PPM1E: variants seen among roughly 807,000 people sequenced by gnomAD.
PPM1E encodes protein phosphatase, Mg2+/Mn2+ dependent 1E.
A neutral mutation model predicts 65.9 loss-of-function variants in PPM1E; 20 were observed. The ratio of observed to expected loss-of-function variants is 0.30; its 90% CI spans 0.21 to 0.44. The LOEUF (loss-of-function observed/expected upper bound fraction) is 0.44, where lower values mean the gene tolerates loss of function less well. Ranked by LOEUF, PPM1E falls within the 20% of genes least tolerant of loss-of-function variation. PPM1E has a pLI of 1.00. For synonymous variants in PPM1E, 352 were observed against 374.9 expected (o/e 0.94, Z 0.70); for missense variants, 713 against 953.1 (o/e 0.75, Z 3.32).
At chr17:58,973,278 G>A (rs1039889711) in intron 6 of PPM1E, among the ~76,000 whole-genome samples, 3 of 151,860 alleles carry the variant, frequency 2.0e-5, no homozygotes, top group South Asian at 2.1e-4. Flanking sequence ...TTAGCCAGGC[G>A]TGGTGGCGGG....
chr17:58,756,501 C>T, intron 1 of PPM1E, 40 bp downstream of exon 1: 1 of 1,263,552 alleles, frequency 7.9e-7, no homozygotes, highest in Non-Finnish European at 1.0e-6. Context: ...GCCCGCGGTC[C>T]CCACCGCGCC....
At chr17:58,876,201 C>G (rs1038062196) in intron 1 of PPM1E, among the ~76,000 whole-genome samples, 5 of 152,064 alleles carry the variant, frequency 3.3e-5, no homozygotes, top group Non-Finnish European at 7.4e-5. Flanking sequence ...AATTTCATCT[C>G]CAAGGATAAA....
intron 1 of PPM1E, among the ~76,000 whole-genome samples, chr17:58,867,188 T>A (rs567744782): frequency 5.9e-5 from 9 of 152,098 alleles, no homozygotes; most frequent in Non-Finnish European, 1.3e-4. Context: ...ACCATGTTGG[T>A]CAGGCGGTCT....
chr17:58,826,833 G>A (rs1167721185), intron 1 of PPM1E, among the ~76,000 whole-genome samples: 1 of 151,900 alleles, frequency 6.6e-6, no homozygotes, highest in Admixed American at 6.6e-5. Context: ...GTTTCACTGT[G>A]TTAGCCAGGA....
chr17:58,927,787 G>A (rs1465857568), intron 1 of PPM1E, among the ~76,000 whole-genome samples: 2 of 151,946 alleles, frequency 1.3e-5, no homozygotes, highest in African/African-American at 2.4e-5. Flanking sequence ...GGCCGGGCCC[G>A]GTGGCTCATG....
At chr17:58,886,823 A>G (rs1024265891) in intron 1 of PPM1E, among the ~76,000 whole-genome samples, 1 of 152,224 alleles carries the variant, frequency 6.6e-6, no homozygotes, top group African/African-American at 2.4e-5. Flanking sequence ...GAAAGAGCAT[A>G]TCTATGGAGA....
chr17:58,845,768 C>T (rs1293040227), intron 1 of PPM1E, among the ~76,000 whole-genome samples: 2 of 152,146 alleles, frequency 1.3e-5, no homozygotes, highest in Non-Finnish European at 2.9e-5. Flanking sequence ...GCAACCTCCT[C>T]CTCCCACGTT....
chr17:58,982,564 A>C lies in PPM1E; in HGVS notation c.*1533A>C, dbSNP rs571424945. The C allele has an allele frequency of 4.1e-6, 1 of 241,472 alleles. No homozygotes were observed. The highest frequency in any genetic ancestry group is 5.1e-5 in the Admixed American group (1 of 19,652). The allele number at this position is 241,472 out of a possible 1,614,324, so 15.0% of individuals were successfully genotyped here. A position where few individuals can be genotyped will look rare whatever the true frequency, so the allele number is the denominator to read the frequency against. ...CATAACAGAGGACTAAAATCTCTGA[A>C]TTTTAAAGACACAGATGACTGGCAT... On this transcript the variant is annotated 3_prime_UTR_variant, in exon 7 of 7. Coordinates refer to ENST00000308249, the MANE Select transcript of PPM1E (RefSeq NM_014906.5).
At chr17:58,757,115 A>G (rs540700558) in intron 1 of PPM1E, among the ~76,000 whole-genome samples, 5 of 152,326 alleles carry the variant, frequency 3.3e-5, no homozygotes, top group African/African-American at 9.6e-5. Context: ...TAGTTTAGAC[A>G]TTTGACATTC....
At chr17:58,960,096 A>G (rs1196060082) in intron 2 of PPM1E, among the ~76,000 whole-genome samples, 1 of 152,188 alleles carries the variant, frequency 6.6e-6, no homozygotes, top group Admixed American at 6.5e-5. Context: ...AGGATAAGGG[A>G]TACACAGGTA....
chr17:58,913,979 A>G (rs1007504433), intron 1 of PPM1E, among the ~76,000 whole-genome samples: 2 of 152,170 alleles, frequency 1.3e-5, no homozygotes, highest in African/African-American at 4.8e-5. Flanking sequence ...GAGTGTTATC[A>G]TCTTTGTTTT....
intron 1 of PPM1E, among the ~76,000 whole-genome samples, chr17:58,780,246 C>T (rs748371430): frequency 5.3e-4 from 81 of 152,208 alleles, no homozygotes; most frequent in Admixed American, 2.0e-4. Context: ...CCATGGCTCA[C>T]GCCTGTAATC....
chr17:58,965,886 A>G lies in PPM1E; in HGVS notation c.776A>G (p.Asn259Ser), dbSNP rs1406892156. 6.2e-6 allele frequency: 10 copies of G among 1,614,102 alleles called. No individual in the cohort carries two copies. Among genetic ancestry groups the G allele is most frequent in the Non-Finnish European group, 7.6e-6 (9 of 1,179,938 alleles). Residue 259 changes from asparagine to serine, a missense_variant, in exon 3 of 7, where the codon AAC becomes AGC. Asn to Ser is a conservative substitution (Grantham distance 46). This residue lies in a region of PPM1E where 25 missense variants were observed against 73.9 expected (regional missense o/e 0.34). Transcript: ENST00000308249. The stretch of plus-strand genomic sequence containing the variant: ...ATTCCTGACTTTAATATGCTCTTCA[A>G]CCTAGAGGTAAAGGGCACTTTCGGA... Reference protein sequence around the residue: ...VCIPDFNMLFNLEDQEEQAYF... With the variant: ...VCIPDFNMLFSLEDQEEQAYF...
At chr17:58,813,209 TG>T (rs2050386454) in intron 1 of PPM1E, among the ~76,000 whole-genome samples, 1 of 152,226 alleles carries the variant, frequency 6.6e-6, no homozygotes, top group Non-Finnish European at 1.5e-5. Context: ...ATCCTCTTTT[TG>T]TCAGACTTCA....
At chr17:58,963,435 T>A (rs1224462542) in intron 2 of PPM1E, among the ~76,000 whole-genome samples, 1 of 146,116 alleles carries the variant, frequency 6.8e-6, no homozygotes, top group Non-Finnish European at 1.5e-5. Flanking sequence ...ACGCCTGTAA[T>A]CCTAGCACTT....
chr17:58,921,772 G>A (rs2051754559), intron 1 of PPM1E, among the ~76,000 whole-genome samples: 1 of 151,822 alleles, frequency 6.6e-6, no homozygotes, highest in Admixed American at 6.6e-5. Context: ...CGGGCACGGT[G>A]GTTCATGCCT....
chr17:58,794,838 T>C (rs2050190687), intron 1 of PPM1E, among the ~76,000 whole-genome samples: 2 of 152,082 alleles, frequency 1.3e-5, no homozygotes, highest in South Asian at 4.1e-4. Context: ...GTTGATCCCA[T>C]GTCTTTGACA....
chr17:58,812,848 T>C (rs2143103031), intron 1 of PPM1E, among the ~76,000 whole-genome samples: 1 of 152,360 alleles, frequency 6.6e-6, no homozygotes, highest in African/African-American at 2.4e-5. Flanking sequence ...ATTACAGGCA[T>C]GAGCCACCGT....
At chr17:58,778,640 G>A (rs867697921) in intron 1 of PPM1E, among the ~76,000 whole-genome samples, 172 of 151,486 alleles carry the variant, frequency 1.1e-3, no homozygotes, top group Non-Finnish European at 1.9e-3. Flanking sequence ...AAACTCCTGG[G>A]CTCAAGCAAT....
Sources: allele counts gnomAD v4.1 joint callset (sites outside exome capture counted in the v4.1 genomes callset), GRCh38; gene constraint gnomAD v4.1.1; regional missense constraint gnomAD v4.1.1; transcripts MANE v1.5; gene names NCBI Gene and HGNC (gene_info 2026-07-23, HGNC 2026-07-21).